The following SCN11A variants were observed in gnomAD, a reference collection of about 807,000 sequenced individuals.
The protein encoded by SCN11A is sodium channel protein type 11 subunit alpha.
SCN11A carries 122 observed loss-of-function variants against 162.2 expected under a neutral mutation model. The observed-to-expected ratio is 0.75, with a 90% confidence interval of 0.65 to 0.87. SCN11A has a LOEUF of 0.87. Ranked by LOEUF, SCN11A falls within the 40% of genes least tolerant of loss-of-function variation. The pLI is 0.00. For synonymous variants in SCN11A, 758 were observed against 751.5 expected (o/e 1.01, Z -0.14); for missense variants, 2,015 against 2,181.6 (o/e 0.92, Z 1.52).
intron 2 of SCN11A, among the ~76,000 whole-genome samples, chr3:38,967,655 GA>G (rs1280037791): frequency 6.6e-6 from 1 of 152,198 alleles, no homozygotes; most frequent in African/African-American, 2.4e-5. Context: ...GTATGCAAGG[GA>G]ACTGTCCACC....
At chr3:39,008,903 G>GTA (rs1392950902) in intron 2 of SCN11A, among the ~76,000 whole-genome samples, 1 of 151,520 alleles carries the variant, frequency 6.6e-6, no homozygotes, top group Non-Finnish European at 1.5e-5. Flanking sequence ...AAAAAAGTAT[G>GTA]TATATATATT....
intron 2 of SCN11A, among the ~76,000 whole-genome samples, chr3:38,986,462 T>C (rs7644203): frequency 0.069 from 10,564 of 152,256 alleles, 1,173 homozygotes; most frequent in African/African-American, 0.23. Context: ...GCTTCTGCCT[T>C]ACATACTGAG....
intron 1 of SCN11A, among the ~76,000 whole-genome samples, chr3:39,045,889 AAACTT>A (rs1329592684): frequency 1.3e-5 from 2 of 152,340 alleles, no homozygotes; most frequent in African/African-American, 4.8e-5. Context: ...TATATATAGA[AAACTT>A]AAAGACTTCA....
At chr3:38,910,338 A>G (rs1463128392) in intron 11 of SCN11A, 131 bp from the exon 12 acceptor site, 1 of 786,986 alleles carries the variant, frequency 1.3e-6, no homozygotes, top group African/African-American at 1.7e-5. Context: ...GAGTATTTGT[A>G]AAGTGGCCCA....
At chr3:38,865,283 G>A (rs1269102116) in intron 27 of SCN11A, among the ~76,000 whole-genome samples, 3 of 152,138 alleles carry the variant, frequency 2.0e-5, no homozygotes, top group Admixed American at 6.6e-5. Flanking sequence ...TGTTCAAAAC[G>A]ATGATTTCTA....
In SCN11A at chr3:38,847,149, T is replaced by A; in HGVS notation, c.4921A>T (p.Ile1641Phe). The change falls in exon 30 of 30, where the codon ATC (isoleucine) becomes TTC (phenylalanine). Residue 1641 changes from isoleucine to phenylalanine, a missense_variant. By Grantham distance (21) the Ile-to-Phe change is conservative. Transcript: ENST00000302328. ...AAGTCAGAAAGGGCAGAATATTTGA[T>A]AAATTGTGTTGCTTCTGGGTCAAAC... is the stretch of plus-strand genomic sequence containing the variant. Reference protein sequence around the residue: ...EKFDPEATQFIKYSALSDFAD... With the variant: ...EKFDPEATQFFKYSALSDFAD... 1 of 1,614,216 alleles carries A rather than the reference T, an allele frequency of 6.2e-7. No individual in the cohort carries two copies. Among genetic ancestry groups the A allele is most frequent in the Non-Finnish European group, 8.5e-7 (1 of 1,180,022 alleles).
At chr3:38,997,011 C>G (rs1432218670) in intron 2 of SCN11A, among the ~76,000 whole-genome samples, 2 of 152,202 alleles carry the variant, frequency 1.3e-5, no homozygotes, top group Non-Finnish European at 2.9e-5. Context: ...TCAGTTACCA[C>G]AAGTGGCCTC....
At chr3:38,942,977 C>A (rs2066463102) in intron 7 of SCN11A, among the ~76,000 whole-genome samples, 1 of 152,004 alleles carries the variant, frequency 6.6e-6, no homozygotes, top group Admixed American at 6.6e-5. Flanking sequence ...GTATTTATCC[C>A]AGAGAAATGC....
chr3:38,969,608 T>C (rs1484384387), intron 2 of SCN11A, among the ~76,000 whole-genome samples: 3 of 152,188 alleles, frequency 2.0e-5, no homozygotes, highest in Non-Finnish European at 2.9e-5. Flanking sequence ...CAAGGGAGGA[T>C]TGCCTTGTGA....
chr3:38,942,363 G>A, intron 7 of SCN11A, among the ~76,000 whole-genome samples: 1 of 152,102 alleles, frequency 6.6e-6, no homozygotes, highest in Admixed American at 6.5e-5. Context: ...TAACTTAACT[G>A]ACCTTTTAAG....
At position 38,919,927 on chromosome 3, in the gene SCN11A, C is replaced by T. The variant is rs768189151; in HGVS notation, c.959+8G>A. 6.2e-7 allele frequency: 1 copy of T among 1,607,900 alleles called. No homozygotes were observed. Among genetic ancestry groups the T allele is most frequent in the Non-Finnish European group, 8.5e-7 (1 of 1,174,574 alleles). On this transcript the variant is annotated splice_region_variant and intron_variant, in intron 11 of 29. Transcript: ENST00000302328. ...TTCTTGGGAGGAAAATGATTATAAA[C>T]CTCTTACCTGTTACCCATCCAGATG...
chr3:38,970,600 TGCCTGCTCACAGATGTCTA>T (rs2066810800), intron 2 of SCN11A, among the ~76,000 whole-genome samples: 1 of 152,202 alleles, frequency 6.6e-6, no homozygotes. Flanking sequence ...TGAGTGTGTG[TGCCTGCTCACAGATGTCTA>T]GAGAGTCAGA....
intron 4 of SCN11A, among the ~76,000 whole-genome samples, chr3:38,952,137 A>C (rs1212795349): frequency 6.6e-6 from 1 of 152,142 alleles, no homozygotes; most frequent in African/African-American, 2.4e-5. Flanking sequence ...CTCCAGACGC[A>C]CTGCCTTAAG....
In SCN11A at chr3:38,928,830, G is replaced by A. The variant is rs114987741; in HGVS notation, c.489-1899C>T. 1.9e-3 allele frequency among the ~76,000 whole-genome samples: 295 copies of A among 152,252 alleles called. 1 individual carries two copies. The highest frequency in any genetic ancestry group is 6.7e-3 in the African/African-American group (279 of 41,552). Reference sequence around the variant, plus strand: ...GAAGAAATGGGAACACTTGTGCACTGTTGATGAGATTGTAAAATGGTGCAA... The same window carrying A: ...GAAGAAATGGGAACACTTGTGCACTATTGATGAGATTGTAAAATGGTGCAA... On this transcript the variant is annotated intron_variant, in intron 7 of 29. Coordinates refer to ENST00000302328, the MANE Select transcript of SCN11A (RefSeq NM_001349253.2).
chr3:38,871,533 C>A lies in SCN11A; in HGVS notation c.3671G>T (p.Ser1224Ile). The change falls in exon 25 of 30, where the codon AGT becomes ATT. Residue 1224 changes from serine (S) to isoleucine (I), a missense_variant. Physicochemically the swap from Ser to Ile is moderately radical, Grantham distance 142. Transcript: ENST00000302328. The stretch of plus-strand genomic sequence containing the variant: ...AGAGAAATTGCCACTTTCACATTGA[C>A]TTTTATTTGTAATGATGGTATAATT... ...VINYTIITNK[S>I]QCESGNFSWI... is the part of the protein sequence containing the mutation. 6.2e-7 allele frequency: 1 copy of A among 1,612,476 alleles called. No individual in the cohort carries two copies. The highest frequency in any genetic ancestry group is 8.5e-7 in the Non-Finnish European group (1 of 1,179,102).
chr3:38,981,575 C>G (rs1402918184), intron 2 of SCN11A, among the ~76,000 whole-genome samples: 1 of 142,206 alleles, frequency 7.0e-6, no homozygotes, highest in Non-Finnish European at 1.5e-5. Context: ...GTGTATTCCT[C>G]ATCCGTGGTC....
intron 1 of SCN11A, among the ~76,000 whole-genome samples, chr3:39,040,800 C>T (rs1035291426): frequency 1.6e-4 from 24 of 152,084 alleles, no homozygotes; most frequent in African/African-American, 5.3e-4. Context: ...TTCTGAAGGC[C>T]GGGCATGGTG....
In SCN11A at chr3:38,946,875, G is replaced by A; in HGVS notation, c.300C>T (p.Ile100=). 1 of 1,613,390 alleles carries A rather than the reference G, an allele frequency of 6.2e-7. No individual in the cohort carries two copies. The highest frequency in any genetic ancestry group is 8.5e-7 in the Non-Finnish European group (1 of 1,179,688). The stretch of plus-strand genomic sequence containing the variant: ...AGGCATGCTTGGCACTGAAGCGGTA[G>A]ATTGTCCTCTTTCTGTTTAACACCA... ...TFMVLNRKRT[I]YRFSAKHALF... Residue 100 remains isoleucine, a synonymous_variant, in exon 6 of 30, where the codon ATC becomes ATT. Transcript: ENST00000302328.
chr3:38,878,567 A>G (rs1417688699), intron 23 of SCN11A, among the ~76,000 whole-genome samples: 1 of 152,038 alleles, frequency 6.6e-6, no homozygotes, highest in Non-Finnish European at 1.5e-5. Flanking sequence ...ATACGTACAG[A>G]GTTATTTGCT....
Sources: gnomAD v4.1 joint callset for allele counts (sites outside exome capture counted in the v4.1 genomes callset) on GRCh38, gnomAD v4.1.1 for gene constraint, MANE v1.5 for transcripts, NCBI Gene and HGNC (gene_info 2026-07-23, HGNC 2026-07-21) for gene names.